Variants in ABCA3 observed in about 807,000 individuals in gnomAD.
ABCA3 encodes ATP binding cassette subfamily A member 3, also known as phospholipid-transporting ATPase ABCA3.
ABCA3 carries 88 observed loss-of-function variants against 172.8 expected under a neutral mutation model. The ratio of observed to expected loss-of-function variants is 0.51; its 90% CI spans 0.43 to 0.61. ABCA3 has a LOEUF of 0.61. ABCA3 is among the 20% of genes least tolerant of loss of function. The pLI is 0.00. For synonymous variants in ABCA3, 1,066 were observed against 983.8 expected, an observed-to-expected ratio of 1.08 and a Z score of -1.56; for missense variants, 2,164 against 2,301.0, an observed-to-expected ratio of 0.94 and a Z score of 1.22.
chr16:2,338,009 C>T (rs1028350063), intron 1 of ABCA3, among the ~76,000 whole-genome samples: 13 of 152,230 alleles, frequency 8.5e-5, no homozygotes, highest in African/African-American at 3.1e-4. Context: ...CTGCTACTGC[C>T]TGTTTCCCTA....
At chr16:2,330,802 C>T (rs2093741984) in intron 1 of ABCA3, among the ~76,000 whole-genome samples, 2 of 149,708 alleles carry the variant, frequency 1.3e-5, no homozygotes, top group Admixed American at 1.3e-4. Context: ...AGGTTCACGC[C>T]ATTCTCCTGC....
At chr16:2,294,183 A>C (rs1276759634) in intron 18 of ABCA3, among the ~76,000 whole-genome samples, 13 of 148,630 alleles carry the variant, frequency 8.7e-5, no homozygotes, top group African/African-American at 2.7e-4. Context: ...ACGCCCGGCT[A>C]ATTTTTGTAT....
rs906730550 is a variant in ABCA3, at chr16:2,286,576, G to A, written c.3278+118C>T. Reference sequence around the variant, plus strand: ...AGGATGTGGCAGGGGTTTCCCACCAGACCCAGGGGCTTTGGGAGGGCAGAC... The same window carrying A: ...AGGATGTGGCAGGGGTTTCCCACCAAACCCAGGGGCTTTGGGAGGGCAGAC... On this transcript the variant is annotated intron_variant, in intron 22 of 32. Coordinates refer to ENST00000301732, the MANE Select transcript of ABCA3 (RefSeq NM_001089.3). The surrounding 1 kb of genome is among the most constrained non-coding windows in gnomAD (Gnocchi z 5.2). 34 of 1,376,138 alleles carry A rather than the reference G, an allele frequency of 2.5e-5. No homozygotes were observed. Among genetic ancestry groups the A allele is most frequent in the Non-Finnish European group, 3.0e-5 (30 of 1,008,406 alleles). The allele number at this position is 1,376,138 out of a possible 1,614,324, so 85.2% of individuals were successfully genotyped here.
In ABCA3 at chr16:2,283,037, C is replaced by T. The variant is rs991875655; in HGVS notation, c.4035+149G>A. ...TGTGCCCCGCCCTGGCTGTAAGTGC[C>T]GGCTGGTGCTGAGGCCGTACAGTGG... On this transcript the variant is annotated intron_variant, in intron 26 of 32. Coordinates refer to ENST00000301732, the MANE Select transcript of ABCA3 (RefSeq NM_001089.3). This position sits in a 1 kb window ranked among gnomAD's most constrained non-coding sequence, Gnocchi z 5.4. The T allele has an allele frequency of 2.9e-5, 27 of 928,700 alleles. No individual in the cohort carries two copies. In the African/African-American group the frequency reaches 3.1e-4, roughly 11 times the overall value. The allele number at this position is 928,700 out of a possible 1,614,324, so 57.5% of individuals were successfully genotyped here.
chr16:2,308,682 G>T, intron 10 of ABCA3, 59 bp from the exon 11 acceptor site: 1 of 1,600,658 alleles, frequency 6.2e-7, no homozygotes, highest in Non-Finnish European at 8.5e-7. Flanking sequence ...AGGGGCTTGG[G>T]CTCCCCGAGG....
In ABCA3 at chr16:2,289,445, G is replaced by A; in HGVS notation, c.2689C>T (p.Leu897Phe). 1 of 1,583,476 alleles carries A rather than the reference G, an allele frequency of 6.3e-7. No homozygotes were observed. Among genetic ancestry groups the A allele is most frequent in the Non-Finnish European group, 8.6e-7 (1 of 1,166,692 alleles). ...ACCTGGGCACTCACCCCAGTGTTGAGCTTGACAGCGGTGCGCTCCTCCTCG... is the reference window on the plus strand; with the variant it reads ...ACCTGGGCACTCACCCCAGTGTTGAACTTGACAGCGGTGCGCTCCTCCTCG... ...LIEEERTAVK[L>F]NTGLALHCQQ... is the part of the protein sequence containing the mutation. The change falls in exon 20 of 33, where the codon CTC becomes TTC. Residue 897 changes from leucine to phenylalanine, a missense_variant. By Grantham distance (22) the Leu-to-Phe change is conservative. Coordinates refer to ENST00000301732, the MANE Select transcript of ABCA3 (RefSeq NM_001089.3).
At chr16:2,298,693 C>T (rs2093684120) in intron 14 of ABCA3, among the ~76,000 whole-genome samples, 153 bp from the exon 15 acceptor site, 1 of 152,068 alleles carries the variant, frequency 6.6e-6, no homozygotes, top group Non-Finnish European at 1.5e-5. Flanking sequence ...CTGGGGTGGG[C>T]TTTGGCTGGG....
intron 3 of ABCA3, among the ~76,000 whole-genome samples, chr16:2,328,093 CATG>C (rs1444523553): frequency 1.3e-5 from 2 of 151,940 alleles, no homozygotes; most frequent in East Asian, 1.9e-4. Flanking sequence ...TATATAGGAA[CATG>C]ATATTTAAAT....
rs139738862 is a variant in ABCA3, at chr16:2,298,391, C to T, written c.1891G>A (p.Ala631Thr). The change falls in exon 15 of 33, where the codon GCC becomes ACC. Residue 631 changes from alanine to threonine, a missense_variant. Physicochemically the swap from Ala to Thr is moderately conservative, Grantham distance 58. Around this residue, in one of 3 missense-constraint regions of ABCA3, gnomAD observed 1,343 missense variants for 1,369.6 expected, o/e 0.98. Coordinates refer to ENST00000301732, the MANE Select transcript of ABCA3 (RefSeq NM_001089.3). ...LTVAEHLYFY[A>T]QLKGLSRQKC... Reference sequence around the variant, plus strand: ...ACCCCTGGCCCCCAACTCACCTGGGCGTAGAAATAAAGGTGCTCTGCGACT... The same window carrying T: ...ACCCCTGGCCCCCAACTCACCTGGGTGTAGAAATAAAGGTGCTCTGCGACT... 93 of 1,614,026 alleles carry T rather than the reference C, an allele frequency of 5.8e-5. No individual in the cohort carries two copies. In the African/African-American group the frequency reaches 6.0e-4, roughly 10 times the overall value.
chr16:2,317,653 C>A lies in ABCA3; in HGVS notation c.985G>T (p.Val329Phe). The A allele has an allele frequency of 6.2e-7, 1 of 1,614,152 alleles. No individual in the cohort carries two copies. Among genetic ancestry groups the A allele is most frequent in the South Asian group, 1.1e-5 (1 of 91,082 alleles). The change falls in exon 9 of 33, where the codon GTC becomes TTC. Residue 329 changes from valine (V) to phenylalanine (F), a missense_variant. Val to Phe is a conservative substitution (Grantham distance 50, BLOSUM62 -1). This residue lies in a region of ABCA3 where 1,343 missense variants were observed against 1,369.6 expected (regional missense o/e 0.98). Transcript: ENST00000301732. The part of the protein sequence containing the change: ...AASFMTLLFC[V>F]KVKPNVAVLS... Reference sequence around the variant, plus strand: ...CCCACCGACGCCATGCTCACCTTGACACAGAAGAGCAGGGTCATGAAGGAG... The same window carrying A: ...CCCACCGACGCCATGCTCACCTTGAAACAGAAGAGCAGGGTCATGAAGGAG...
At position 2,315,038 on chromosome 16, in the gene ABCA3, C is replaced by T. The variant is rs750910298; in HGVS notation, c.1111+2245G>A. Among the ~76,000 whole-genome samples, 162 of 149,420 alleles carry T rather than the reference C, an allele frequency of 1.1e-3. 1 individual carries two copies. The highest frequency in any genetic ancestry group is 1.9e-3 in the Non-Finnish European group (131 of 67,612). ...GACTACAGGTACCCGCCACCACACC[C>T]GGCTAATTTTTGTATTTTTTTTTTT... On this transcript the variant is annotated intron_variant, in intron 10 of 32. Transcript: ENST00000301732.
rs377356391 is a variant in ABCA3, at chr16:2,278,365, G to A, written c.4641C>T (p.Pro1547=). The A allele has an allele frequency of 1.4e-4, 230 of 1,612,376 alleles. 4 individuals carry two copies. The South Asian group carries it at 2.3e-3, about 16-fold the overall frequency. The change falls in exon 30 of 33, where the codon CCC becomes CCT. Residue 1547 remains proline, a synonymous_variant. Coordinates refer to ENST00000301732, the MANE Select transcript of ABCA3 (RefSeq NM_001089.3). The surrounding 1 kb of genome is among the most constrained non-coding windows in gnomAD (Gnocchi z 4.4). ...FLDEPSTGMD[P]VARRLLWDTV... is the part of the protein sequence containing the mutation. ...TGTCCCAAAGCAGGCGCCGGGCCACGGGGTCCATGCCAGTGGACGGCTCGT... is the reference window on the plus strand; with the variant it reads ...TGTCCCAAAGCAGGCGCCGGGCCACAGGGTCCATGCCAGTGGACGGCTCGT...
chr16:2,306,372 T>C (rs1397060329), intron 11 of ABCA3, among the ~76,000 whole-genome samples: 7 of 152,206 alleles, frequency 4.6e-5, no homozygotes, highest in Non-Finnish European at 7.3e-5. Context: ...GTTTACATTT[T>C]ATCAACACAC....
intron 7 of ABCA3, among the ~76,000 whole-genome samples, chr16:2,320,479 T>A (rs1243616590): frequency 6.7e-6 from 1 of 149,906 alleles, no homozygotes; most frequent in Non-Finnish European, 1.5e-5. Flanking sequence ...AACGTCTGCC[T>A]CCTGGGTTCA....
In ABCA3 at chr16:2,300,005, C is replaced by T. The variant is rs999946836; in HGVS notation, c.1611G>A (p.Lys537=). The T allele has an allele frequency of 6.2e-7, 1 of 1,612,968 alleles. No homozygotes were observed. Among genetic ancestry groups the T allele is most frequent in the African/African-American group, 1.3e-5 (1 of 74,840 alleles). Residue 537 remains lysine, a splice_region_variant and synonymous_variant, in exon 13 of 33, where the codon AAG becomes AAA. Coordinates refer to ENST00000301732, the MANE Select transcript of ABCA3 (RefSeq NM_001089.3). The stretch of plus-strand genomic sequence containing the variant: ...TCCCTGTCCCCACAGGAGGCGGCAC[C>T]TTGGACAGGTGCTTGATCTTGATCC... ...VAGIKIKHLS[K]VFRVGNKDRA...
intron 6 of ABCA3, 50 bp from the exon 7 acceptor site, chr16:2,323,738 G>A: frequency 6.2e-7 from 1 of 1,610,424 alleles, no homozygotes; most frequent in South Asian, 1.1e-5. Context: ...CAGACAGAGG[G>A]GCAAACAACA....
chr16:2,323,147 A>G (rs931977480), intron 7 of ABCA3, among the ~76,000 whole-genome samples: 8 of 152,244 alleles, frequency 5.3e-5, no homozygotes, highest in African/African-American at 1.9e-4. Context: ...TTCAAAAGTC[A>G]GGAAACAACA....
At chr16:2,316,930 AATG>A (rs1254863272) in intron 10 of ABCA3, among the ~76,000 whole-genome samples, 1 of 152,142 alleles carries the variant, frequency 6.6e-6, no homozygotes, top group Non-Finnish European at 1.5e-5. Context: ...AGCAAAAGAG[AATG>A]ATAACAAAGT....
Position 2,299,499 on chromosome 16 carries a change from C to T in ABCA3, c.1645G>A (p.Val549Ile), listed in dbSNP as rs369048340. 6.8e-5 allele frequency: 110 copies of T among 1,613,660 alleles called. No homozygotes were observed. Among genetic ancestry groups the T allele is most frequent in the Admixed American group, 1.5e-4 (9 of 60,006 alleles). The change falls in exon 14 of 33, where the codon GTC becomes ATC. Residue 549 changes from valine (V) to isoleucine (I), a missense_variant. Transcript: ENST00000301732. Reference protein sequence around the residue: ...FRVGNKDRAAVRDLNLNLYEG... With the variant: ...FRVGNKDRAAIRDLNLNLYEG... ...TACAGGTTGAGGTTCAGGTCTCTGA[C>T]GGCCGCCCTGTCCTTATTTCCCACC...
Sources: gnomAD v4.1 joint callset for allele counts (sites outside exome capture counted in the v4.1 genomes callset) on GRCh38, gnomAD v4.1.1 for gene constraint, gnomAD v4.1.1 regional missense constraint, Gnocchi (gnomAD v3.1) non-coding constraint, MANE v1.5 for transcripts, NCBI Gene and HGNC (gene_info 2026-07-23, HGNC 2026-07-21) for gene names.